Variants in SMIM12 observed in about 807,000 individuals in gnomAD.
SMIM12 encodes UPF0767 protein C1orf212.
SMIM12 carries 5 observed loss-of-function variants against 6.3 expected under a neutral mutation model. The observed-to-expected ratio is 0.80, with a 90% confidence interval of 0.42 to 1.68. The LOEUF is 1.68. SMIM12 is among the 40% of genes most tolerant of loss of function. The pLI, the probability that SMIM12 is intolerant of heterozygous loss-of-function variation, is 0.02. For missense variants in SMIM12, 103 were observed against 121.4 expected (o/e 0.85, Z 0.71); for synonymous variants, 51 against 48.0 (o/e 1.06, Z -0.26).
Position 34,851,804 on chromosome 1 carries a change from G to A in SMIM12, c.*3895C>T, listed in dbSNP as rs543820148. Among the ~76,000 whole-genome samples, 308 of 152,306 alleles carry A rather than the reference G, an allele frequency of 2.0e-3. 2 individuals carry two copies. Among genetic ancestry groups the A allele is most frequent in the African/African-American group, 6.2e-3 (258 of 41,560 alleles). On this transcript the variant is annotated 3_prime_UTR_variant, in exon 2 of 2. Transcript: ENST00000521580. The stretch of plus-strand genomic sequence containing the variant: ...CACCATCATTGGGCTGGGAAGAGAC[G>A]GGGGTAAGCGGGGAGCAAAAAGCCC...
At chr1:34,858,778 A>T (rs1638729272) in intron 1 of SMIM12, 1 of 152,174 alleles carries the variant, frequency 6.6e-6, no homozygotes. Flanking sequence ...AAATAAGTCA[A>T]TTCATTCCTT....
At position 34,855,348 on chromosome 1, in the gene SMIM12, G is replaced by C. The variant is rs138432854; in HGVS notation, c.*351C>G. The stretch of plus-strand genomic sequence containing the variant: ...TAGACATGCAGGTATCCCTCCTAAA[G>C]GCAACGCCCAAATCCCAGCCATTCC... On this transcript the variant is annotated 3_prime_UTR_variant, in exon 2 of 2. Coordinates refer to ENST00000521580, the MANE Select transcript of SMIM12 (RefSeq NM_138428.6). 7.0e-7 allele frequency: 1 copy of C among 1,428,376 alleles called. No individual in the cohort carries two copies. The allele number at this position is 1,428,376 out of a possible 1,614,324, so 88.5% of individuals were successfully genotyped here. A position where few individuals can be genotyped will look rare whatever the true frequency, so the allele number is the denominator to read the frequency against.
At position 34,854,621 on chromosome 1, in the gene SMIM12, A is replaced by G. The variant is rs1420297221; in HGVS notation, c.*1078T>C. On this transcript the variant is annotated 3_prime_UTR_variant, in exon 2 of 2. Transcript: ENST00000521580. ...AAATGGGAAAATGATAATAGTGAGA[A>G]AAGTATATAAAATTAAATGTACAGT... is the stretch of plus-strand genomic sequence containing the variant. 1 of 152,430 alleles carries G rather than the reference A, an allele frequency of 6.6e-6. No individual in the cohort carries two copies. The highest frequency in any genetic ancestry group is 6.5e-5 in the Admixed American group (1 of 15,288). The allele number at this position is 152,430 out of a possible 1,614,324, so 9.4% of individuals were successfully genotyped here. A position where few individuals can be genotyped will look rare whatever the true frequency, so the allele number is the denominator to read the frequency against.
Position 34,855,209 on chromosome 1 carries a change from A to G in SMIM12, c.*490T>C. The G allele has an allele frequency of 1.5e-6, 2 of 1,368,448 alleles. No individual in the cohort carries two copies. Among genetic ancestry groups the G allele is most frequent in the Non-Finnish European group, 2.0e-6 (2 of 1,022,390 alleles). The allele number at this position is 1,368,448 out of a possible 1,614,324, so 84.8% of individuals were successfully genotyped here. On this transcript the variant is annotated 3_prime_UTR_variant, in exon 2 of 2. Transcript: ENST00000521580. ...GAAAAGTGCTTTCCTTCCTGGGGGAATCCCATTCCTGAGCTGACAAGACAG... is the reference window on the plus strand; with the variant it reads ...GAAAAGTGCTTTCCTTCCTGGGGGAGTCCCATTCCTGAGCTGACAAGACAG...
Position 34,855,023 on chromosome 1 carries a change from C to T in SMIM12, c.*676G>A, listed in dbSNP as rs911002992. On this transcript the variant is annotated 3_prime_UTR_variant, in exon 2 of 2. Transcript: ENST00000521580. ...TCCTAAGAAGACCCCCAAATACCAC[C>T]TGGATGATAAGATTCGATCATTATG... The T allele has an allele frequency of 1.6e-6, 2 of 1,260,066 alleles. No individual in the cohort carries two copies. The highest frequency in any genetic ancestry group is 2.7e-5 in the Admixed American group (1 of 36,586). The allele number at this position is 1,260,066 out of a possible 1,614,324, so 78.1% of individuals were successfully genotyped here. A position where few individuals can be genotyped will look rare whatever the true frequency, so the allele number is the denominator to read the frequency against.
In SMIM12 at chr1:34,850,744, C is replaced by A. The variant is rs767148820; in HGVS notation, c.*4955G>T. The A allele has an allele frequency of 1.3e-5, 2 of 152,166 alleles. No individual in the cohort carries two copies. Among genetic ancestry groups the A allele is most frequent in the African/African-American group, 2.4e-5 (1 of 41,428 alleles). 9.4% of individuals were successfully genotyped at this position (152,166 alleles called of 1,614,324 possible). A position where few individuals can be genotyped will look rare whatever the true frequency, so the allele number is the denominator to read the frequency against. ...AGGCCAGTAGAGGTGAAGCGGCATA[C>A]CCCAGGTCATCACTCAGATCGCTTG... On this transcript the variant is annotated 3_prime_UTR_variant, in exon 2 of 2. Transcript: ENST00000521580.
At position 34,855,567 on chromosome 1, in the gene SMIM12, G is replaced by A. The variant is rs1306960393; in HGVS notation, c.*132C>T. The A allele has an allele frequency of 1.4e-5, 22 of 1,612,946 alleles. No homozygotes were observed. Among genetic ancestry groups the A allele is most frequent in the South Asian group, 5.5e-5 (5 of 90,266 alleles). ...GGCCATCAAGGAGCAGCCAGTATTT[G>A]TGTGGCTGTGTGGTGTGGGAAGGGC... On this transcript the variant is annotated 3_prime_UTR_variant, in exon 2 of 2. Coordinates refer to ENST00000521580, the MANE Select transcript of SMIM12 (RefSeq NM_138428.6).
intron 1 of SMIM12, 29 bp from the exon 2 acceptor site, chr1:34,856,011 G>A: frequency 6.6e-7 from 1 of 1,517,852 alleles, no homozygotes; most frequent in Non-Finnish European, 8.9e-7. Context: ...CAGCATTAGA[G>A]AACCCAGCAT....
rs777489311 is a variant in SMIM12, at chr1:34,855,115, T to C, written c.*584A>G. 1 of 1,332,950 alleles carries C rather than the reference T, an allele frequency of 7.5e-7. No individual in the cohort carries two copies. The highest frequency in any genetic ancestry group is 1.2e-5 in the South Asian group (1 of 82,272). The allele number at this position is 1,332,950 out of a possible 1,614,324, so 82.6% of individuals were successfully genotyped here. On this transcript the variant is annotated 3_prime_UTR_variant, in exon 2 of 2. Coordinates refer to ENST00000521580, the MANE Select transcript of SMIM12 (RefSeq NM_138428.6). ...GATGGGGGTAGAAGATGGTGACTGTTTTCAAGCAAATTCACGAGGCACATG... is the reference window on the plus strand; with the variant it reads ...GATGGGGGTAGAAGATGGTGACTGTCTTCAAGCAAATTCACGAGGCACATG...
intron 1 of SMIM12, among the ~76,000 whole-genome samples, chr1:34,859,231 C>T (rs980114375): frequency 1.3e-5 from 2 of 152,250 alleles, no homozygotes; most frequent in African/African-American, 2.4e-5. Context: ...TGCTGGGAAA[C>T]CTGCCCCAGT....
chr1:34,855,465 C>A lies in SMIM12; in HGVS notation c.*234G>T, dbSNP rs1385480760. On this transcript the variant is annotated 3_prime_UTR_variant, in exon 2 of 2. Transcript: ENST00000521580. The stretch of plus-strand genomic sequence containing the variant: ...AGCAGTGCACCAGTAAACTCAGATG[C>A]CTGAGTGCTTGTGGCCACCACACAA... 1 of 1,593,608 alleles carries A rather than the reference C, an allele frequency of 6.3e-7. No homozygotes were observed. Among genetic ancestry groups the A allele is most frequent in the Middle Eastern group, 1.7e-4 (1 of 5,960 alleles).
chr1:34,855,476 G>C lies in SMIM12; in HGVS notation c.*223C>G, dbSNP rs776273618. 1.3e-6 allele frequency: 2 copies of C among 1,599,734 alleles called. No homozygotes were observed. The highest frequency in any genetic ancestry group is 1.7e-6 in the Non-Finnish European group (2 of 1,171,126). On this transcript the variant is annotated 3_prime_UTR_variant, in exon 2 of 2. Coordinates refer to ENST00000521580, the MANE Select transcript of SMIM12 (RefSeq NM_138428.6). ...AGTAAACTCAGATGCCTGAGTGCTT[G>C]TGGCCACCACACAACAGATGCGGCC...
At position 34,852,484 on chromosome 1, in the gene SMIM12, A is replaced by AAAC. The variant is rs1491032542; in HGVS notation, c.*3214_*3215insGTT. ...TCGCCAAAAAAAAAAAAAAAAAAAA[A>AAAC]ACCATAATTATAGGTGTCATCAGAA... is the stretch of plus-strand genomic sequence containing the variant. On this transcript the variant is annotated 3_prime_UTR_variant, in exon 2 of 2. Transcript: ENST00000521580. Among the ~76,000 whole-genome samples, 1 of 145,456 alleles carries AAAC rather than the reference A, an allele frequency of 6.9e-6. No individual in the cohort carries two copies. Among genetic ancestry groups the AAAC allele is most frequent in the African/African-American group, 2.6e-5 (1 of 38,376 alleles).
chr1:34,858,850 T>C (rs992489251), intron 1 of SMIM12: 1 of 152,130 alleles, frequency 6.6e-6, no homozygotes, highest in Non-Finnish European at 1.5e-5. Context: ...CCTGTCTGCG[T>C]TTCTCAAGAC....
At position 34,855,488 on chromosome 1, in the gene SMIM12, C is replaced by A. The variant is rs541279377; in HGVS notation, c.*211G>T. On this transcript the variant is annotated 3_prime_UTR_variant, in exon 2 of 2. Coordinates refer to ENST00000521580, the MANE Select transcript of SMIM12 (RefSeq NM_138428.6). ...TGCCTGAGTGCTTGTGGCCACCACA[C>A]AACAGATGCGGCCTTCCTCTTCACT... 132 of 1,604,412 alleles carry A rather than the reference C, an allele frequency of 8.2e-5. 3 individuals are homozygous for A. In the South Asian group the frequency reaches 1.4e-3, roughly 17 times the overall value.
chr1:34,855,259 G>T lies in SMIM12; in HGVS notation c.*440C>A. On this transcript the variant is annotated 3_prime_UTR_variant, in exon 2 of 2. Transcript: ENST00000521580. ...GATTTCAGTAAGAATGAGCACAAAG[G>T]ATAGGGCAAAATAGTGAAGGGAGCC... The T allele has an allele frequency of 3.6e-6, 5 of 1,371,642 alleles. No individual in the cohort carries two copies. Among genetic ancestry groups the T allele is most frequent in the Non-Finnish European group, 4.9e-6 (5 of 1,024,648 alleles). 85.0% of individuals were successfully genotyped at this position (1,371,642 alleles called of 1,614,324 possible).
In SMIM12 at chr1:34,851,491, G is replaced by A. The variant is rs1303842489; in HGVS notation, c.*4208C>T. On this transcript the variant is annotated 3_prime_UTR_variant, in exon 2 of 2. Coordinates refer to ENST00000521580, the MANE Select transcript of SMIM12 (RefSeq NM_138428.6). ...GAAAAGGAAAAGTGAGCAAGACGGAGGGGCTTTTACATTTTCACTGCCTGG... is the reference window on the plus strand; with the variant it reads ...GAAAAGGAAAAGTGAGCAAGACGGAAGGGCTTTTACATTTTCACTGCCTGG... 2 of 152,206 alleles carry A rather than the reference G, an allele frequency of 1.3e-5. No individual in the cohort carries two copies. The highest frequency in any genetic ancestry group is 2.4e-5 in the African/African-American group (1 of 41,440). The allele number at this position is 152,206 out of a possible 1,614,324, so 9.4% of individuals were successfully genotyped here. A position where few individuals can be genotyped will look rare whatever the true frequency, so the allele number is the denominator to read the frequency against.
At position 34,853,997 on chromosome 1, in the gene SMIM12, C is replaced by CAACAACAAT. The variant is rs770507548; in HGVS notation, c.*1701_*1702insATTGTTGTT. ...GACTCCATATTTAAAACAACAACAA[C>CAACAACAAT]AACAACAACAAAAAAAAACTACAGA... On this transcript the variant is annotated 3_prime_UTR_variant, in exon 2 of 2. Transcript: ENST00000521580. The CAACAACAAT allele has an allele frequency of 6.8e-6, 1 of 147,452 alleles. No homozygotes were observed. The highest frequency in any genetic ancestry group is 6.8e-5 in the Admixed American group (1 of 14,666). 9.1% of individuals were successfully genotyped at this position (147,452 alleles called of 1,614,324 possible). A position where few individuals can be genotyped will look rare whatever the true frequency, so the allele number is the denominator to read the frequency against.
chr1:34,854,962 T>C lies in SMIM12; in HGVS notation c.*737A>G, dbSNP rs1029267552. On this transcript the variant is annotated 3_prime_UTR_variant, in exon 2 of 2. Transcript: ENST00000521580. ...GCTCCTTGGCACCCTTTAATACCAATGTTATCCTGCTCTAAAATGCCTGTA... is the reference window on the plus strand; with the variant it reads ...GCTCCTTGGCACCCTTTAATACCAACGTTATCCTGCTCTAAAATGCCTGTA... The C allele has an allele frequency of 1.1e-6, 1 of 940,256 alleles. No homozygotes were observed. The highest frequency in any genetic ancestry group is 1.7e-5 in the African/African-American group (1 of 58,254). The allele number at this position is 940,256 out of a possible 1,614,324, so 58.2% of individuals were successfully genotyped here.
Sources: allele counts gnomAD v4.1 joint callset (sites outside exome capture counted in the v4.1 genomes callset), GRCh38; gene constraint gnomAD v4.1.1; transcripts MANE v1.5; gene names NCBI Gene and HGNC (gene_info 2026-07-23, HGNC 2026-07-21).